The following CCDC73 variants were observed in gnomAD, a reference collection of about 807,000 sequenced individuals.
CCDC73 encodes the protein coiled-coil domain-containing protein 73.
CCDC73 carries 95 observed loss-of-function variants against 116.5 expected under a neutral mutation model. The ratio of observed to expected loss-of-function variants is 0.82; its 90% CI spans 0.69 to 0.97. The LOEUF (loss-of-function observed/expected upper bound fraction) is 0.97, where lower values mean the gene tolerates loss of function less well. CCDC73 is among the 50% of genes least tolerant of loss of function. CCDC73 has a pLI of 0.00. For missense variants in CCDC73, 1,066 were observed against 1,206.8 expected (o/e 0.88, Z 1.73); for synonymous variants, 398 against 401.3 (o/e 0.99, Z 0.10).
intron 2 of CCDC73, among the ~76,000 whole-genome samples, chr11:32,728,760 AGTG>A (rs1475576108): frequency 6.6e-6 from 1 of 152,052 alleles, no homozygotes; most frequent in Non-Finnish European, 1.5e-5. Context: ...GCTGGAGTGC[AGTG>A]GTGTGATCTC....
At chr11:32,616,594 C>T (rs919817485) in intron 14 of CCDC73, among the ~76,000 whole-genome samples, 5 of 152,108 alleles carry the variant, frequency 3.3e-5, no homozygotes, top group African/African-American at 1.2e-4. Flanking sequence ...TATCCTCCTG[C>T]CTCAGCCTCC....
chr11:32,611,019 A>C, intron 17 of CCDC73, 113 bp downstream of exon 17: 1 of 969,256 alleles, frequency 1.0e-6, no homozygotes, highest in South Asian at 1.9e-5. Flanking sequence ...TGCCCTCTTG[A>C]TATTATTTTG....
intron 6 of CCDC73, among the ~76,000 whole-genome samples, chr11:32,695,433 T>C (rs1487164792): frequency 1.3e-5 from 2 of 151,970 alleles, no homozygotes; most frequent in African/African-American, 2.4e-5. Context: ...GCTTGGCAAG[T>C]TGCATAGCTG....
At chr11:32,649,783 T>A (rs1855810417) in intron 12 of CCDC73, among the ~76,000 whole-genome samples, 1 of 152,212 alleles carries the variant, frequency 6.6e-6, no homozygotes, top group Non-Finnish European at 1.5e-5. Context: ...ATTATGTCCT[T>A]AATATATGTT....
chr11:32,606,377 A>G (rs1006116600), intron 17 of CCDC73: 2 of 152,256 alleles, frequency 1.3e-5, no homozygotes, highest in African/African-American at 4.8e-5. Context: ...CTCAATTCTC[A>G]GTGCCATGCC....
Position 32,747,449 on chromosome 11 carries a change from A to G in CCDC73, c.135+12660T>C, listed in dbSNP as rs12799713. Reference sequence around the variant, plus strand: ...CTTGAACACCATGCTGGCGGAACCAATGATGTCTTCAGAGCTGTCAGGCAG... The same window carrying G: ...CTTGAACACCATGCTGGCGGAACCAGTGATGTCTTCAGAGCTGTCAGGCAG... On this transcript the variant is annotated intron_variant, in intron 2 of 17. Transcript: ENST00000335185. Among the ~76,000 whole-genome samples the G allele has an allele frequency of 9.7e-3, 1,477 of 152,262 alleles. 16 individuals are homozygous for G. The highest frequency in any genetic ancestry group is 0.016 in the Non-Finnish European group (1,070 of 67,998).
chr11:32,768,264 T>A (rs1421548901), intron 1 of CCDC73, among the ~76,000 whole-genome samples: 1 of 152,056 alleles, frequency 6.6e-6, no homozygotes, highest in Non-Finnish European at 1.5e-5. Context: ...TAGGTGGGAA[T>A]TGAACAATGA....
chr11:32,815,295 G>A, the CCDC73 span, among the ~76,000 whole-genome samples: 1 of 150,794 alleles, frequency 6.6e-6, no homozygotes. Flanking sequence ...CCTTTGAGAT[G>A]AAATAAATTC....
intron 2 of CCDC73, among the ~76,000 whole-genome samples, chr11:32,758,070 G>T (rs1053186442): frequency 6.6e-6 from 1 of 152,160 alleles, no homozygotes; most frequent in East Asian, 1.9e-4. Flanking sequence ...TAGGAATACA[G>T]GTCAAGTACC....
intron 10 of CCDC73, 108 bp from the exon 11 acceptor site, chr11:32,654,145 G>A: frequency 1.0e-6 from 1 of 954,106 alleles, no homozygotes; most frequent in South Asian, 2.0e-5. Flanking sequence ...CCTACCCCCA[G>A]AGTACCCACA....
chr11:32,705,240 G>T (rs1471624305), intron 3 of CCDC73, among the ~76,000 whole-genome samples: 1 of 152,192 alleles, frequency 6.6e-6, no homozygotes, highest in Admixed American at 6.5e-5. Flanking sequence ...TTGCCACACT[G>T]CAGGTGACTA....
At chr11:32,816,532 T>A in the CCDC73 span, among the ~76,000 whole-genome samples, 1 of 151,874 alleles carries the variant, frequency 6.6e-6, no homozygotes, top group Non-Finnish European at 1.5e-5. Context: ...ATGCCCAAAG[T>A]CAAGTGGAAA....
At chr11:32,753,473 C>A (rs1554968679) in intron 2 of CCDC73, among the ~76,000 whole-genome samples, 1 of 149,070 alleles carries the variant, frequency 6.7e-6, no homozygotes, top group Non-Finnish European at 1.5e-5. Context: ...ATTTTGTTTT[C>A]TTTTTTTTTG....
upstream of CCDC73, among the ~76,000 whole-genome samples, chr11:32,796,493 T>A (rs1460027161): frequency 6.6e-6 from 1 of 152,232 alleles, no homozygotes; most frequent in East Asian, 1.9e-4. Flanking sequence ...TTTTGCCTAT[T>A]AGAAAACTAA....
chr11:32,679,679 T>C (rs1385770592), intron 7 of CCDC73, among the ~76,000 whole-genome samples: 1 of 152,144 alleles, frequency 6.6e-6, no homozygotes, highest in Non-Finnish European at 1.5e-5. Flanking sequence ...AAGGAAGTTT[T>C]GATTTTTGAT....
At chr11:32,609,355 C>T (rs1459307516) in intron 17 of CCDC73, among the ~76,000 whole-genome samples, 1 of 152,170 alleles carries the variant, frequency 6.6e-6, no homozygotes, top group Admixed American at 6.5e-5. Context: ...ATCTCTAGGA[C>T]AGGGGCAAAA....
At chr11:32,654,487 T>G (rs1461113253) in intron 10 of CCDC73, among the ~76,000 whole-genome samples, 1 of 152,228 alleles carries the variant, frequency 6.6e-6, no homozygotes, top group Non-Finnish European at 1.5e-5. Context: ...AGTACCCACA[T>G]TTGTTTGTGG....
Position 32,653,090 on chromosome 11 carries a change from A to G in CCDC73, c.939+33T>C, listed in dbSNP as rs914714780. The G allele has an allele frequency of 2.4e-6, 3 of 1,247,196 alleles. No homozygotes were observed. In the African/African-American group the frequency reaches 4.5e-5, roughly 19 times the overall value. The allele number at this position is 1,247,196 out of a possible 1,614,324, so 77.3% of individuals were successfully genotyped here. A position where few individuals can be genotyped will look rare whatever the true frequency, so the allele number is the denominator to read the frequency against. ...AGTGAAAATATACTAAAACACAGAT[A>G]GATAGACAGACAGACAGACAGATAG... On this transcript the variant is annotated intron_variant, in intron 12 of 17. Coordinates refer to ENST00000335185, the MANE Select transcript of CCDC73 (RefSeq NM_001008391.4).
At chr11:32,673,820 A>T (rs570789388) in intron 9 of CCDC73, among the ~76,000 whole-genome samples, 1 of 152,336 alleles carries the variant, frequency 6.6e-6, no homozygotes, top group African/African-American at 2.4e-5. Context: ...GGGATGGCTC[A>T]AGTTCCACTG....
Sources: gnomAD v4.1 joint callset for allele counts (sites outside exome capture counted in the v4.1 genomes callset) on GRCh38, gnomAD v4.1.1 for gene constraint, MANE v1.5 for transcripts, NCBI Gene and HGNC (gene_info 2026-07-23, HGNC 2026-07-21) for gene names.